KIRREL3: variants seen among roughly 807,000 people sequenced by gnomAD.
KIRREL3 encodes the protein kirre like nephrin family adhesion molecule 3.
In KIRREL3, 36 loss-of-function variants were observed where a neutral mutation model predicts 89.7. That is an observed-to-expected ratio of 0.40 (90% CI 0.31 to 0.53). KIRREL3 has a LOEUF of 0.53. KIRREL3 is among the 20% of genes least tolerant of loss of function. The pLI is 0.49. For missense variants in KIRREL3, 864 were observed against 1,056.6 expected (o/e 0.82, Z 2.53); for synonymous variants, 445 against 441.4 (o/e 1.01, Z -0.10).
intron 1 of KIRREL3, among the ~76,000 whole-genome samples, chr11:126,765,820 C>T (rs1158474151): frequency 6.6e-6 from 1 of 152,152 alleles, no homozygotes; most frequent in Non-Finnish European, 1.5e-5. Context: ...AATGATGACA[C>T]CAGGCACTCT....
Position 126,610,439 on chromosome 11 carries a change from A to G in KIRREL3, c.56-47527T>C, listed in dbSNP as rs1489414044. Among the ~76,000 whole-genome samples, 1 of 152,206 alleles carries G rather than the reference A, an allele frequency of 6.6e-6. No homozygotes were observed. The highest frequency in any genetic ancestry group is 1.5e-5 in the Non-Finnish European group (1 of 68,048). On this transcript the variant is annotated intron_variant, in intron 1 of 16. Coordinates refer to ENST00000525144, the MANE Select transcript of KIRREL3 (RefSeq NM_032531.4). The surrounding 1 kb of genome is among the most constrained non-coding windows in gnomAD (Gnocchi z 4.6). ...CCCAAGCAATGCTTCATATTCACAA[A>G]TGAACACATTAGGCTCAAGGACAGA...
rs1341477723 is a variant in KIRREL3 at position 126,571,766 on chromosome 11, CG to C, written c.56-8855del. 3.3e-5 allele frequency among the ~76,000 whole-genome samples: 5 copies of C among 151,508 alleles called. No homozygotes were observed. On this transcript the variant is annotated intron_variant, in intron 1 of 16. Transcript: ENST00000525144. This position sits in a 1 kb window ranked among gnomAD's most constrained non-coding sequence, Gnocchi z 7.7. ...TAATCCGTTTGTGAGAGGGGTGGGG[CG>C]GGGGGATGTTAAATAATGTTGGTTA...
chr11:126,668,733 C>T lies in KIRREL3; in HGVS notation c.56-105821G>A, dbSNP rs933465145. 9.3e-5 allele frequency among the ~76,000 whole-genome samples: 10 copies of T among 107,190 alleles called. No individual in the cohort carries two copies. The South Asian group carries it at 1.3e-3, about 14-fold the overall frequency. 70.3% of individuals were successfully genotyped at this position (107,190 alleles called of 152,430 possible). A position where few individuals can be genotyped will look rare whatever the true frequency, so the allele number is the denominator to read the frequency against. ...TCTTTCTTTCTTTCTTTCTTTCTTTCTTTCTTTCTTTCTTTCTTTCTTTTT... is the reference window on the plus strand; with the variant it reads ...TCTTTCTTTCTTTCTTTCTTTCTTTTTTTCTTTCTTTCTTTCTTTCTTTTT... On this transcript the variant is annotated intron_variant, in intron 1 of 16. Transcript: ENST00000525144. The surrounding 1 kb of genome is among the most constrained non-coding windows in gnomAD (Gnocchi z 4.4).
At chr11:126,857,669 C>A (rs560607973) in intron 1 of KIRREL3, among the ~76,000 whole-genome samples, 1 of 152,070 alleles carries the variant, frequency 6.6e-6, no homozygotes, top group African/African-American at 2.4e-5. Flanking sequence ...ATTTCCAGGA[C>A]TTGAACTTAG....
chr11:126,747,140 C>T lies in KIRREL3; in HGVS notation c.56-184228G>A, dbSNP rs1949179417. 6.6e-6 allele frequency among the ~76,000 whole-genome samples: 1 copy of T among 152,186 alleles called. No individual in the cohort carries two copies. Among genetic ancestry groups the T allele is most frequent in the Non-Finnish European group, 1.5e-5 (1 of 68,030 alleles). The stretch of plus-strand genomic sequence containing the variant: ...TCAGCTGTGTAGCTAACTTGTTTTC[C>T]TTCCCCATCAAATGAGCAAGTTGGC... On this transcript the variant is annotated intron_variant, in intron 1 of 16. Transcript: ENST00000525144. This position sits in a 1 kb window ranked among gnomAD's most constrained non-coding sequence, Gnocchi z 4.7.
intron 1 of KIRREL3, among the ~76,000 whole-genome samples, chr11:126,619,557 T>C (rs1302787965): frequency 6.6e-6 from 1 of 152,266 alleles, no homozygotes. Context: ...TCTCTTCTAC[T>C]GATCAAAGTT....
rs535661179 is a variant in KIRREL3, at chr11:126,860,706, C to A, written c.55+139749G>T. On this transcript the variant is annotated intron_variant, in intron 1 of 16. Transcript: ENST00000525144. The surrounding 1 kb of genome is among the most constrained non-coding windows in gnomAD (Gnocchi z 4.6). ...GTGTGTTTGAGAGACTTCTTCCCAA[C>A]CACAGGGTGGAGAATGGGTGGCAGG... is the stretch of plus-strand genomic sequence containing the variant. 1.3e-5 allele frequency among the ~76,000 whole-genome samples: 2 copies of A among 152,260 alleles called. No individual in the cohort carries two copies. The highest frequency in any genetic ancestry group is 3.9e-4 in the East Asian group (2 of 5,188).
intron 7 of KIRREL3, among the ~76,000 whole-genome samples, chr11:126,452,434 G>A (rs1035589396): frequency 6.6e-6 from 1 of 152,230 alleles, no homozygotes; most frequent in Non-Finnish European, 1.5e-5. Context: ...TGGATGCAGC[G>A]TGAGGCCAAG....
At chr11:126,438,148 A>T (rs1955430995) in intron 11 of KIRREL3, among the ~76,000 whole-genome samples, 1 of 152,214 alleles carries the variant, frequency 6.6e-6, no homozygotes, top group Admixed American at 6.5e-5. Context: ...GCCCCCCGGG[A>T]CTGTGGCTGC....
intron 5 of KIRREL3, among the ~76,000 whole-genome samples, chr11:126,464,162 A>G (rs1412578677): frequency 6.6e-6 from 1 of 152,126 alleles, no homozygotes; most frequent in African/African-American, 2.4e-5. Flanking sequence ...AGATGAGGTC[A>G]TACTGGATTC....
rs539892559 is a variant in KIRREL3, at chr11:126,550,954, A to C, written c.133+11881T>G. Among the ~76,000 whole-genome samples the C allele has an allele frequency of 2.6e-5, 4 of 152,260 alleles. No homozygotes were observed. The South Asian group carries it at 8.3e-4, about 32-fold the overall frequency. On this transcript the variant is annotated intron_variant, in intron 2 of 16. Transcript: ENST00000525144. The surrounding 1 kb of genome is among the most constrained non-coding windows in gnomAD (Gnocchi z 4.9). ...TCCCCCACACCCTGGCACCTGTCAC[A>C]AGTTCAGGCTTCCAGAACTTCTGGC...
rs1194084420 is a variant in KIRREL3, at chr11:126,734,912, G to A, written c.56-172000C>T. ...TGTGGCAGGATGGGGTTTGTGGTTG[G>A]AACGGTGCTGTCTTCTGGTCCAGCT... On this transcript the variant is annotated intron_variant, in intron 1 of 16. Transcript: ENST00000525144. This position sits in a 1 kb window ranked among gnomAD's most constrained non-coding sequence, Gnocchi z 5.9. Among the ~76,000 whole-genome samples the A allele has an allele frequency of 1.3e-5, 2 of 152,180 alleles. No individual in the cohort carries two copies. The highest frequency in any genetic ancestry group is 2.9e-5 in the Non-Finnish European group (2 of 68,036).
At chr11:126,450,792 T>C (rs1956048326) in intron 7 of KIRREL3, among the ~76,000 whole-genome samples, 1 of 151,476 alleles carries the variant, frequency 6.6e-6, no homozygotes, top group African/African-American at 2.4e-5. Context: ...CATCTGTGCA[T>C]GTGTGTGTCT....
At chr11:127,001,475 CA>C (rs1312805746), upstream of KIRREL3, among the ~76,000 whole-genome samples, 9 of 152,072 alleles carry the variant, frequency 5.9e-5, no homozygotes, top group Admixed American at 5.9e-4. Context: ...CTAACGAGGA[CA>C]GGGGAGCAGC....
rs922625818 is a variant in KIRREL3 at position 126,719,910 on chromosome 11, G to A, written c.56-156998C>T. ...ATCCTTACGCAATGTAGCAATGTCA[G>A]TTGGATCTGATCGCTCCTCTGTCCA... On this transcript the variant is annotated intron_variant, in intron 1 of 16. Transcript: ENST00000525144. The surrounding 1 kb of genome is among the most constrained non-coding windows in gnomAD (Gnocchi z 4.7). 1.3e-5 allele frequency among the ~76,000 whole-genome samples: 2 copies of A among 152,198 alleles called. No individual in the cohort carries two copies. Among genetic ancestry groups the A allele is most frequent in the Non-Finnish European group, 2.9e-5 (2 of 68,042 alleles).
intron 15 of KIRREL3, among the ~76,000 whole-genome samples, chr11:126,426,980 A>C (rs1954964880): frequency 6.6e-6 from 1 of 152,110 alleles, no homozygotes; most frequent in Non-Finnish European, 1.5e-5. Flanking sequence ...GAATGACGAT[A>C]TCCTCAAGGG....
chr11:126,826,866 T>A (rs754647248), intron 1 of KIRREL3, among the ~76,000 whole-genome samples: 2 of 152,212 alleles, frequency 1.3e-5, no homozygotes, highest in Non-Finnish European at 2.9e-5. Context: ...ATTAGGACAT[T>A]TAATTTCTGA....
In KIRREL3 at chr11:126,697,719, G is replaced by A. The variant is rs7946034; in HGVS notation, c.56-134807C>T. Among the ~76,000 whole-genome samples the A allele has an allele frequency of 8.2e-3, 1,250 of 152,264 alleles. 9 individuals carry two copies. Among genetic ancestry groups the A allele is most frequent in the African/African-American group, 0.029 (1,186 of 41,548 alleles). On this transcript the variant is annotated intron_variant, in intron 1 of 16. Coordinates refer to ENST00000525144, the MANE Select transcript of KIRREL3 (RefSeq NM_032531.4). The surrounding 1 kb of genome is among the most constrained non-coding windows in gnomAD (Gnocchi z 4.2). ...AAATGCTCATTCAGCCTCACTTGCCGGGGACTCAGCTTCTCCCGGGGCCTC... is the reference window on the plus strand; with the variant it reads ...AAATGCTCATTCAGCCTCACTTGCCAGGGACTCAGCTTCTCCCGGGGCCTC...
rs1946457371 is a variant in KIRREL3 at position 126,903,584 on chromosome 11, C to G, written c.55+96871G>C. Among the ~76,000 whole-genome samples the G allele has an allele frequency of 6.6e-6, 1 of 152,170 alleles. No homozygotes were observed. Among genetic ancestry groups the G allele is most frequent in the African/African-American group, 2.4e-5 (1 of 41,430 alleles). ...CCTTGACTGCTGAGTTTATTACTACCCATAACCCTGGCCTAAGTGGAAACA... is the reference window on the plus strand; with the variant it reads ...CCTTGACTGCTGAGTTTATTACTACGCATAACCCTGGCCTAAGTGGAAACA... On this transcript the variant is annotated intron_variant, in intron 1 of 16. Coordinates refer to ENST00000525144, the MANE Select transcript of KIRREL3 (RefSeq NM_032531.4). The surrounding 1 kb of genome is among the most constrained non-coding windows in gnomAD (Gnocchi z 4.5).
Sources: allele counts gnomAD v4.1 joint callset (sites outside exome capture counted in the v4.1 genomes callset), GRCh38; gene constraint gnomAD v4.1.1; non-coding constraint Gnocchi (gnomAD v3.1); transcripts MANE v1.5; gene names NCBI Gene and HGNC (gene_info 2026-07-23, HGNC 2026-07-21).